Variants in DNAAF8 observed in about 807,000 individuals in gnomAD.
DNAAF8 encodes dynein axonemal assembly factor 8, also known as dynein axonemal-associated protein 1.
Under a neutral mutation model 54.6 loss-of-function variants are expected in DNAAF8, and 61 were observed. That is an observed-to-expected ratio of 1.12 (90% CI 0.91 to 1.38). The LOEUF (loss-of-function observed/expected upper bound fraction) is 1.38. Ranked by LOEUF, DNAAF8 falls within the 40% of genes most tolerant of loss-of-function variation. The pLI is 0.00. For missense variants in DNAAF8, 837 were observed against 665.0 expected, an observed-to-expected ratio of 1.26 and a Z score of -2.85; for synonymous variants, 320 against 270.1, an observed-to-expected ratio of 1.18 and a Z score of -1.81.
rs989725649 is a variant in DNAAF8 at position 4,749,039 on chromosome 16, A to T, written c.*324A>T. 1 of 152,340 alleles carries T rather than the reference A, an allele frequency of 6.6e-6. No individual in the cohort carries two copies. Among genetic ancestry groups the T allele is most frequent in the Admixed American group, 6.5e-5 (1 of 15,284 alleles). 9.4% of individuals were successfully genotyped at this position (152,340 alleles called of 1,614,324 possible). On this transcript the variant is annotated 3_prime_UTR_variant, in exon 10 of 10. Coordinates refer to ENST00000299320, the MANE Select transcript of DNAAF8 (RefSeq NM_139170.3). Reference sequence around the variant, plus strand: ...GGGACCCCCACCCGACCCCACTCCCAATGATGAGGGGCATTTTCATTGCAA... The same window carrying T: ...GGGACCCCCACCCGACCCCACTCCCTATGATGAGGGGCATTTTCATTGCAA...
chr16:4,743,305 T>A, intron 5 of DNAAF8, 145 bp downstream of exon 5: 1 of 586,542 alleles, frequency 1.7e-6, no homozygotes, highest in Non-Finnish European at 2.9e-6. Context: ...TAAACACTCA[T>A]GCTGCCAGTC....
intron 2 of DNAAF8, 31 bp from the exon 3 acceptor site, chr16:4,737,769 G>T: frequency 6.2e-7 from 1 of 1,612,854 alleles, no homozygotes; most frequent in Non-Finnish European, 8.5e-7. Context: ...CTGCTGCCTT[G>T]TCCTCCAAAA....
chr16:4,739,019 G>C (rs941531886), intron 3 of DNAAF8, among the ~76,000 whole-genome samples: 4 of 152,076 alleles, frequency 2.6e-5, no homozygotes, highest in South Asian at 2.1e-4. Flanking sequence ...TGAATGGGAG[G>C]GCATGGGCAC....
intron 5 of DNAAF8, chr16:4,743,686 C>G (rs910799324): frequency 2.6e-5 from 4 of 152,448 alleles, no homozygotes; most frequent in Non-Finnish European, 5.9e-5. Flanking sequence ...CGAGGGGAGG[C>G]AGGTCTGAGG....
At chr16:4,745,452 G>A (rs1404620305) in intron 6 of DNAAF8, among the ~76,000 whole-genome samples, 1 of 152,214 alleles carries the variant, frequency 6.6e-6, no homozygotes, top group Admixed American at 6.5e-5. Context: ...CACCTGTCCT[G>A]CCACAGGGAG....
chr16:4,744,924 G>C lies in DNAAF8; in HGVS notation c.956G>C (p.Cys319Ser). ...CTCATGGAACAGCTGGCCCTCCTGT[G>C]CACCACGCAGTCCAAGGCCTCTGCT... ...NRLMEQLALL[C>S]TTQSKASACA... is the part of the protein sequence containing the mutation. Residue 319 changes from cysteine to serine, a missense_variant, in exon 6 of 10, where the codon TGC (cysteine) becomes TCC (serine). By Grantham distance (112) the Cys-to-Ser change is moderately radical. Transcript: ENST00000299320. 1 of 1,613,896 alleles carries C rather than the reference G, an allele frequency of 6.2e-7. No homozygotes were observed.
chr16:4,742,045 C>T (rs531974528), intron 4 of DNAAF8, among the ~76,000 whole-genome samples: 49 of 152,260 alleles, frequency 3.2e-4, no homozygotes, highest in African/African-American at 1.1e-3. Context: ...TTTTTCTCCA[C>T]TTAGAGGGCT....
intron 4 of DNAAF8, among the ~76,000 whole-genome samples, chr16:4,740,965 G>A (rs559584736): frequency 3.3e-5 from 5 of 151,294 alleles, no homozygotes; most frequent in Non-Finnish European, 4.4e-5. Flanking sequence ...CGGGAGCCCC[G>A]GAGTTCAAGA....
chr16:4,748,682 C>G (rs1014968535), intron 9 of DNAAF8, 43 bp from the exon 10 acceptor site: 1 of 152,540 alleles, frequency 6.6e-6, no homozygotes, highest in African/African-American at 2.4e-5. Context: ...CTGTGATCAG[C>G]CCTGACCTGG....
At chr16:4,736,992 C>T (rs859313) in intron 2 of DNAAF8, among the ~76,000 whole-genome samples, 65,305 of 151,964 alleles carry the variant, frequency 0.43, 16,760 homozygotes, top group East Asian at 0.65. Flanking sequence ...TCTCTCGTGC[C>T]AGGACAGGGC....
rs766601849 is a variant in DNAAF8, at chr16:4,743,083, T to C, written c.824T>C (p.Leu275Pro). Residue 275 changes from leucine to proline, a missense_variant, in exon 5 of 10, where the codon CTG (leucine) becomes CCG (proline). By Grantham distance (98) the Leu-to-Pro change is moderately conservative (BLOSUM62 -3). Coordinates refer to ENST00000299320, the MANE Select transcript of DNAAF8 (RefSeq NM_139170.3). ...GATTTGGATGACATCCTTCAGAGTC[T>C]GGCGGGACAAGAAGACAACCAGGGA... ...AWDLDDILQS[L>P]AGQEDNQGNR... The C allele has an allele frequency of 1.9e-6, 3 of 1,612,554 alleles. No homozygotes were observed. In the Admixed American group the frequency reaches 5.0e-5, roughly 27 times the overall value.
Position 4,743,140 on chromosome 16 carries a change from C to G in DNAAF8, c.881C>G (p.Ala294Gly). 1 of 1,605,806 alleles carries G rather than the reference C, an allele frequency of 6.2e-7. No individual in the cohort carries two copies. Among genetic ancestry groups the G allele is most frequent in the African/African-American group, 1.3e-5 (1 of 74,614 alleles). The change falls in exon 5 of 10, where the codon GCT becomes GGT. Residue 294 changes from alanine (A) to glycine (G), a missense_variant. Physicochemically the swap from Ala to Gly is moderately conservative, Grantham distance 60. Transcript: ENST00000299320. ...NRAPGTVWWA[A>G]DHRQVQDRMV... ...GCACCTGGAACTGTGTGGTGGGCAG[C>G]TGACCACCGCCAAGTTCAAGGTCTG...
intron 8 of DNAAF8, 75 bp downstream of exon 8, chr16:4,747,100 C>T: frequency 2.2e-6 from 3 of 1,389,326 alleles, no homozygotes; most frequent in Non-Finnish European, 2.9e-6. Flanking sequence ...CCACCTGGCA[C>T]ATTTACCGCC....
intron 5 of DNAAF8, chr16:4,743,729 C>CA (rs2081978800): frequency 2.6e-5 from 4 of 152,340 alleles, no homozygotes; most frequent in East Asian, 3.9e-4. Flanking sequence ...GCGCTTCCGC[C>CA]TCTGGTCCCA....
In DNAAF8 at chr16:4,743,063, G is replaced by C. The variant is rs1458252155; in HGVS notation, c.804G>C (p.Leu268Phe). The change falls in exon 5 of 10, where the codon TTG (leucine) becomes TTC (phenylalanine). Residue 268 changes from leucine to phenylalanine, a missense_variant. Leu to Phe is a conservative substitution (Grantham distance 22). Transcript: ENST00000299320. The part of the protein sequence containing the change: ...LSLQQLEAWD[L>F]DDILQSLAGQ... ...TTCAGCAACTTGAAGCGTGGGATTT[G>C]GATGACATCCTTCAGAGTCTGGCGG... The C allele has an allele frequency of 1.2e-6, 2 of 1,611,292 alleles. No homozygotes were observed. Among genetic ancestry groups the C allele is most frequent in the Non-Finnish European group, 1.7e-6 (2 of 1,178,192 alleles).
intron 4 of DNAAF8, among the ~76,000 whole-genome samples, chr16:4,741,055 C>T (rs1289938663): frequency 1.9e-5 from 2 of 103,912 alleles, no homozygotes; most frequent in Non-Finnish European, 3.8e-5. Flanking sequence ...AACCCCATCT[C>T]TACTAAAAAT....
chr16:4,736,537 T>C lies in DNAAF8; in HGVS notation c.23T>C (p.Met8Thr), dbSNP rs2081903767. The C allele has an allele frequency of 6.4e-7, 1 of 1,568,754 alleles. No individual in the cohort carries two copies. The highest frequency in any genetic ancestry group is 8.7e-7 in the Non-Finnish European group (1 of 1,151,050). ...CTCATGGCATCCAACGATAAAGGCA[T>C]GGCACCCTCGCTGGGCTCTCCCTGG... The part of the protein sequence containing the change: MASNDKG[M>T]APSLGSPWAS... The change falls in exon 2 of 10, where the codon ATG becomes ACG. Residue 8 changes from methionine to threonine, a missense_variant. Met to Thr is a moderately conservative substitution (Grantham distance 81). Transcript: ENST00000299320.
chr16:4,738,083 G>T, intron 3 of DNAAF8, 137 bp downstream of exon 3: 8 of 1,141,548 alleles, frequency 7.0e-6, no homozygotes, highest in Non-Finnish European at 9.6e-6. Context: ...TACAACCCAA[G>T]GTATTCAGAT....
At chr16:4,743,430 C>G (rs2081976620) in intron 5 of DNAAF8, 2 of 292,570 alleles carry the variant, frequency 6.8e-6, no homozygotes, top group African/African-American at 4.4e-5. Context: ...ACCCATACCT[C>G]CTCTTCCCCA....
Sources: gnomAD v4.1 joint callset for allele counts (sites outside exome capture counted in the v4.1 genomes callset) on GRCh38, gnomAD v4.1.1 for gene constraint, MANE v1.5 for transcripts, NCBI Gene and HGNC (gene_info 2026-07-23, HGNC 2026-07-21) for gene names.